DAB1: variants seen among roughly 807,000 people sequenced by gnomAD.
The protein encoded by DAB1 is DAB adaptor protein 1, also known as disabled homolog 1.
A neutral mutation model predicts 64.6 loss-of-function variants in DAB1; 15 were observed. The observed-to-expected ratio is 0.23, with a 90% CI of 0.16 to 0.36. DAB1 has a LOEUF of 0.36. DAB1 is among the 10% of genes least tolerant of loss of function. DAB1 has a pLI of 1.00. For missense variants in DAB1, 596 were observed against 706.7 expected, an observed-to-expected ratio of 0.84 and a Z score of 1.78; for synonymous variants, 235 against 251.9, an observed-to-expected ratio of 0.93 and a Z score of 0.64.
intron 6 of DAB1, among the ~76,000 whole-genome samples, chr1:57,785,205 T>G (rs1235244112): frequency 1.3e-5 from 2 of 152,168 alleles, no homozygotes; most frequent in African/African-American, 4.8e-5. Context: ...AAAAGATATC[T>G]TTCAAAAAAA....
chr1:57,585,295 G>A (rs1267996711), intron 7 of DAB1, among the ~76,000 whole-genome samples: 5 of 120,356 alleles, frequency 4.2e-5, no homozygotes, highest in African/African-American at 9.4e-5. Flanking sequence ...CTTAGTGACA[G>A]AACAGTAAGA....
intron 4 of DAB1, among the ~76,000 whole-genome samples, chr1:58,242,394 A>C (rs111769522): frequency 5.3e-5 from 8 of 152,260 alleles, no homozygotes; most frequent in African/African-American, 1.7e-4. Flanking sequence ...ATTAAAAAGT[A>C]GATATCCCGG....
intron 3 of DAB1, chr1:58,415,551 G>A: frequency 5.6e-6 from 1 of 179,102 alleles, no homozygotes; most frequent in Non-Finnish European, 1.1e-5. Flanking sequence ...CCAAAAATAT[G>A]TATGCATTCA....
chr1:58,234,686 A>G (rs1384168534), intron 4 of DAB1, among the ~76,000 whole-genome samples: 3 of 152,202 alleles, frequency 2.0e-5, no homozygotes, highest in South Asian at 2.1e-4. Flanking sequence ...AAAGGCTCAG[A>G]AGTGAACGAG....
chr1:57,762,018 C>A (rs148790704), intron 6 of DAB1, among the ~76,000 whole-genome samples: 1 of 152,240 alleles, frequency 6.6e-6, no homozygotes, highest in Non-Finnish European at 1.5e-5. Context: ...ATGGACAGAG[C>A]GTCATTTGCA....
At chr1:57,638,658 C>T (rs1646089539) in intron 7 of DAB1, among the ~76,000 whole-genome samples, 1 of 152,132 alleles carries the variant, frequency 6.6e-6, no homozygotes. Flanking sequence ...TGAGGAGTCC[C>T]CCTAATGAGC....
chr1:57,480,777 G>A (rs1053178165), intron 7 of DAB1, among the ~76,000 whole-genome samples: 1 of 152,010 alleles, frequency 6.6e-6, no homozygotes, highest in Non-Finnish European at 1.5e-5. Context: ...GAGCCACCAT[G>A]CCCAGCCTTC....
At chr1:57,398,873 T>C (rs1683022253) in intron 1 of DAB1, among the ~76,000 whole-genome samples, 1 of 152,204 alleles carries the variant, frequency 6.6e-6, no homozygotes, top group Admixed American at 6.5e-5. Context: ...CATTTCATTT[T>C]CTGTGTGGCC....
chr1:58,485,025 G>C (rs1027075950), intron 3 of DAB1, among the ~76,000 whole-genome samples: 5 of 151,996 alleles, frequency 3.3e-5, no homozygotes, highest in African/African-American at 1.2e-4. Flanking sequence ...ACAGCACCAA[G>C]AGTAAACCCT....
chr1:57,235,707 T>TAA (rs146853725), intron 2 of DAB1, among the ~76,000 whole-genome samples: 71,796 of 147,200 alleles, frequency 0.49, 18,613 homozygotes, highest in East Asian at 0.66. Context: ...TTCAAAACTT[T>TAA]AAAAAAGAAA....
At chr1:57,696,043 G>A (rs950521586) in intron 6 of DAB1, among the ~76,000 whole-genome samples, 1 of 152,180 alleles carries the variant, frequency 6.6e-6, no homozygotes, top group African/African-American at 2.4e-5. Context: ...TGTTTGATGA[G>A]CACAATTTTG....
chr1:57,245,762 A>T (rs1668823854), intron 2 of DAB1, among the ~76,000 whole-genome samples: 1 of 152,210 alleles, frequency 6.6e-6, no homozygotes, highest in African/African-American at 2.4e-5. Flanking sequence ...GTGTCTTTAT[A>T]GTAGCATGAT....
chr1:58,088,147 G>C (rs868066748), intron 5 of DAB1, among the ~76,000 whole-genome samples: 19 of 152,196 alleles, frequency 1.2e-4, no homozygotes, highest in African/African-American at 4.1e-4. Context: ...TTTAAAATAG[G>C]GAACACAACA....
chr1:57,353,180 C>T (rs1036089542), intron 1 of DAB1, among the ~76,000 whole-genome samples: 3 of 150,498 alleles, frequency 2.0e-5, no homozygotes, highest in Non-Finnish European at 4.4e-5. Flanking sequence ...TCTAGAGAAA[C>T]CTGACTAATA....
At chr1:57,271,643 T>C (rs1376792136) in intron 2 of DAB1, among the ~76,000 whole-genome samples, 1 of 152,166 alleles carries the variant, frequency 6.6e-6, no homozygotes, top group Non-Finnish European at 1.5e-5. Context: ...CAGCACACTG[T>C]GAGAGCTACT....
In DAB1 at chr1:58,096,515, A is replaced by C. The variant is rs1008534122; in HGVS notation, n.387+53996T>G. Reference sequence around the variant, plus strand: ...GCGCTTATTTACACGTCTGTTAATGAGGTCATTAGATATTGGATAAAAGTA... The same window carrying C: ...GCGCTTATTTACACGTCTGTTAATGCGGTCATTAGATATTGGATAAAAGTA... On this transcript the variant is annotated intron_variant and non_coding_transcript_variant, in intron 5 of 20. Coordinates refer to the DAB1 transcript ENST00000485760. 3.3e-5 allele frequency among the ~76,000 whole-genome samples: 5 copies of C among 152,204 alleles called. No homozygotes were observed. The East Asian group carries it at 9.6e-4, about 29-fold the overall frequency.
chr1:58,167,469 T>C (rs1655918058), intron 4 of DAB1, among the ~76,000 whole-genome samples: 1 of 152,072 alleles, frequency 6.6e-6, no homozygotes, highest in Non-Finnish European at 1.5e-5. Context: ...AGCTAAAGGA[T>C]TGTAAATGCA....
intron 7 of DAB1, among the ~76,000 whole-genome samples, chr1:57,449,856 C>T (rs1686285967): frequency 6.6e-6 from 1 of 152,140 alleles, no homozygotes; most frequent in Non-Finnish European, 1.5e-5. Context: ...TTTGACATCA[C>T]TTGCTGTATT....
At chr1:57,364,464 T>A (rs946471377) in intron 1 of DAB1, among the ~76,000 whole-genome samples, 2 of 152,156 alleles carry the variant, frequency 1.3e-5, no homozygotes, top group Non-Finnish European at 2.9e-5. Context: ...GGAATCACCC[T>A]GCTCTGCACG....
Sources: gnomAD v4.1 joint callset for allele counts (sites outside exome capture counted in the v4.1 genomes callset) on GRCh38, gnomAD v4.1.1 for gene constraint, MANE v1.5 for transcripts, NCBI Gene and HGNC (gene_info 2026-07-23, HGNC 2026-07-21) for gene names.